The following ITGA6 variants were observed in gnomAD, a reference collection of about 807,000 sequenced individuals.
ITGA6 encodes integrin alpha-6.
In ITGA6, 63 loss-of-function variants were observed where a neutral mutation model predicts 133.6. The ratio of observed to expected loss-of-function variants is 0.47; its 90% confidence interval spans 0.38 to 0.58. ITGA6 has a LOEUF of 0.58. ITGA6 is among the 20% of genes least tolerant of loss of function. The pLI, the probability that ITGA6 is intolerant of heterozygous loss-of-function variation, is 0.00. For synonymous variants in ITGA6, 434 were observed against 482.0 expected (o/e 0.90, Z 1.30); for missense variants, 1,068 against 1,309.4 (o/e 0.82, Z 2.85).
Position 172,506,301 on chromosome 2 carries a change from T to G in ITGA6, c.*2233T>G, listed in dbSNP as rs1436616419. 2 of 152,654 alleles carry G rather than the reference T, an allele frequency of 1.3e-5. No individual in the cohort carries two copies. Among genetic ancestry groups the G allele is most frequent in the African/African-American group, 4.8e-5 (2 of 41,468 alleles). The allele number at this position is 152,654 out of a possible 1,614,324, so 9.5% of individuals were successfully genotyped here. On this transcript the variant is annotated 3_prime_UTR_variant, in exon 26 of 26. Transcript: ENST00000684293. ...AACCAAAGTTCAGTGTTTTTATTTT[T>G]GGTGTCTCATGTAATCTCAGATCAG...
At chr2:172,431,468 C>T (rs1294242109) in intron 1 of ITGA6, among the ~76,000 whole-genome samples, 2 of 152,158 alleles carry the variant, frequency 1.3e-5, no homozygotes, top group Admixed American at 1.3e-4. Context: ...AATATTGGTG[C>T]CTGGACTCTT....
At chr2:172,499,600 A>T (rs2149099722) in intron 24 of ITGA6, among the ~76,000 whole-genome samples, 1 of 152,300 alleles carries the variant, frequency 6.6e-6, no homozygotes, top group East Asian at 1.9e-4. Context: ...GGGCTCAAGC[A>T]ATCCTCCTGC....
chr2:172,498,463 T>C (rs1183628057), intron 24 of ITGA6, among the ~76,000 whole-genome samples: 1 of 152,252 alleles, frequency 6.6e-6, no homozygotes, highest in African/African-American at 2.4e-5. Flanking sequence ...TGAATGTGTA[T>C]CCCTGCTAAT....
Position 172,489,595 on chromosome 2 carries a change from A to C in ITGA6, c.2616A>C (p.Glu872Asp), listed in dbSNP as rs1310962622. 2.5e-6 allele frequency: 4 copies of C among 1,614,042 alleles called. No homozygotes were observed. The highest frequency in any genetic ancestry group is 1.1e-5 in the South Asian group (1 of 91,086). The change falls in exon 20 of 26, where the codon GAA becomes GAC. Residue 872 changes from glutamate (E) to aspartate (D), a missense_variant. By Grantham distance (45) the Glu-to-Asp change is conservative (BLOSUM62 2). Coordinates refer to ENST00000684293, the MANE Select transcript of ITGA6 (RefSeq NM_000210.4). ...GGTTGCTTTATTTGGTGAAAGTAGA[A>C]TCCAAAGGATTGGAAAAGGTAACTT... Reference protein sequence around the residue: ...GKWLLYLVKVESKGLEKVTCE... With the variant: ...GKWLLYLVKVDSKGLEKVTCE...
chr2:172,472,453 T>G lies in ITGA6; in HGVS notation c.775+1348T>G, dbSNP rs184557788. On this transcript the variant is annotated intron_variant, in intron 5 of 25. Transcript: ENST00000684293. ...ATAAATTTACTTGCTGTCAGAACAT[T>G]TGAAAATATGAAGCATTTTTTCTCA... is the stretch of plus-strand genomic sequence containing the variant. Among the ~76,000 whole-genome samples the G allele has an allele frequency of 1.8e-3, 274 of 152,352 alleles. 7 individuals carry two copies. Among genetic ancestry groups the G allele is most frequent in the Admixed American group, 0.017 (253 of 15,310 alleles).
rs577764506 is a variant in ITGA6 at position 172,493,207 on chromosome 2, C to A, written c.2988+1684C>A. 1.1e-4 allele frequency among the ~76,000 whole-genome samples: 16 copies of A among 152,242 alleles called. 1 individual carries two copies. The highest frequency in any genetic ancestry group is 3.9e-4 in the African/African-American group (16 of 41,548). On this transcript the variant is annotated intron_variant, in intron 23 of 25. Transcript: ENST00000684293. ...ATAGGTGTGAGCCACTGCACCCAGC[C>A]CCAGGATACATTTGCCTGAGACAAA...
At chr2:172,430,545 G>C (rs775158018) in intron 1 of ITGA6, among the ~76,000 whole-genome samples, 6 of 152,182 alleles carry the variant, frequency 3.9e-5, no homozygotes, top group Admixed American at 1.3e-4. Context: ...ATAAAAGCAC[G>C]ATCATAGAAG....
At position 172,427,619 on chromosome 2, in the gene ITGA6, G is replaced by C. The variant is rs188609652; in HGVS notation, c.-170G>C. ...CATTCAGCGGTCGCGAGCTGCCCGC[G>C]AGGGGGAGCGGCCGGACGGAGAGCG... On this transcript the variant is annotated 5_prime_UTR_variant, in exon 1 of 26. Coordinates refer to ENST00000684293, the MANE Select transcript of ITGA6 (RefSeq NM_000210.4). 19 of 1,280,808 alleles carry C rather than the reference G, an allele frequency of 1.5e-5. No homozygotes were observed. Among genetic ancestry groups the C allele is most frequent in the Middle Eastern group, 3.0e-4 (1 of 3,354 alleles). 79.3% of individuals were successfully genotyped at this position (1,280,808 alleles called of 1,614,324 possible). A position where few individuals can be genotyped will look rare whatever the true frequency, so the allele number is the denominator to read the frequency against.
In ITGA6 at chr2:172,487,538, C is replaced by G. The variant is rs776060355; in HGVS notation, c.2161-9C>G. ...GTGGATTGTGACCTAGCGTGTGTTT[C>G]TTTTACAGGAGAAACAGTTGAGTTG... On this transcript the variant is annotated splice_polypyrimidine_tract_variant and intron_variant, in intron 15 of 25. Transcript: ENST00000684293. 71 of 1,613,818 alleles carry G rather than the reference C, an allele frequency of 4.4e-5. 2 individuals are homozygous for G. In the South Asian group the frequency reaches 7.6e-4, roughly 17 times the overall value.
intron 19 of ITGA6, 79 bp downstream of exon 19, chr2:172,488,307 T>C: frequency 6.5e-6 from 6 of 923,842 alleles, no homozygotes; most frequent in Non-Finnish European, 1.1e-5. Context: ...GTCATTTTAA[T>C]AAATCAGCAA....
At chr2:172,486,683 C>T (rs1180659056) in intron 13 of ITGA6, among the ~76,000 whole-genome samples, 1 of 152,062 alleles carries the variant, frequency 6.6e-6, no homozygotes, top group East Asian at 1.9e-4. Flanking sequence ...GGTGGTATCT[C>T]CACGTTACCT....
At position 172,479,635 on chromosome 2, in the gene ITGA6, C is replaced by T; in HGVS notation, c.1389-6C>T. Reference sequence around the variant, plus strand: ...TGAGCTTGTTTTTCACTCCTTTTGTCTTCAGATCCCGGCCTGTGATTAATA... The same window carrying T: ...TGAGCTTGTTTTTCACTCCTTTTGTTTTCAGATCCCGGCCTGTGATTAATA... On this transcript the variant is annotated splice_polypyrimidine_tract_variant and splice_region_variant and intron_variant, in intron 9 of 25. Coordinates refer to ENST00000684293, the MANE Select transcript of ITGA6 (RefSeq NM_000210.4). 6.2e-7 allele frequency: 1 copy of T among 1,612,720 alleles called. No homozygotes were observed. Among genetic ancestry groups the T allele is most frequent in the African/African-American group, 1.3e-5 (1 of 74,968 alleles).
At chr2:172,481,039 A>G (rs1370112755) in intron 11 of ITGA6, 1 of 152,212 alleles carries the variant, frequency 6.6e-6, no homozygotes, top group Non-Finnish European at 1.5e-5. Context: ...GAGGAAGTGA[A>G]AAGAATGAGG....
chr2:172,447,959 G>C (rs999472773), intron 1 of ITGA6, among the ~76,000 whole-genome samples: 5 of 152,042 alleles, frequency 3.3e-5, no homozygotes, highest in Admixed American at 2.6e-4. Context: ...TGCTCTTAAT[G>C]AGACACACCC....
chr2:172,442,157 AAGG>A (rs545056526), intron 1 of ITGA6, among the ~76,000 whole-genome samples: 1 of 152,278 alleles, frequency 6.6e-6, no homozygotes, highest in Non-Finnish European at 1.5e-5. Flanking sequence ...GTTTCTGAAT[AAGG>A]AGTCCTGGTT....
In ITGA6 at chr2:172,436,129, TGAA is replaced by T. The variant is rs547251227; in HGVS notation, c.182+8165_182+8167del. ...GTGGCTTAAAGACCTGGGTGATGAA[TGAA>T]GAAGACCTCCATGACTTTACAAGTG... On this transcript the variant is annotated intron_variant, in intron 1 of 25. Transcript: ENST00000684293. Among the ~76,000 whole-genome samples, 434 of 152,236 alleles carry T rather than the reference TGAA, an allele frequency of 2.9e-3. 1 individual carries two copies. Among genetic ancestry groups the T allele is most frequent in the Non-Finnish European group, 4.3e-3 (293 of 68,024 alleles).
chr2:172,480,058 A>G lies in ITGA6; in HGVS notation c.1549+7A>G. 2.7e-6 allele frequency: 4 copies of G among 1,467,822 alleles called. No homozygotes were observed. Among genetic ancestry groups the G allele is most frequent in the Non-Finnish European group, 3.8e-6 (4 of 1,046,924 alleles). 90.9% of individuals were successfully genotyped at this position (1,467,822 alleles called of 1,614,324 possible). ...GGTTATAATCCTTCAATATGTAAGT[A>G]CCTAGTACCTTTAAAATATGTCTAC... On this transcript the variant is annotated splice_region_variant and intron_variant, in intron 11 of 25. Transcript: ENST00000684293.
At chr2:172,443,488 C>T (rs1165302048) in intron 1 of ITGA6, among the ~76,000 whole-genome samples, 2 of 152,174 alleles carry the variant, frequency 1.3e-5, no homozygotes, top group East Asian at 3.9e-4. Flanking sequence ...ATGGTCACGG[C>T]TGATTCTGGA....
At chr2:172,430,687 A>G (rs1184258208) in intron 1 of ITGA6, among the ~76,000 whole-genome samples, 1 of 152,216 alleles carries the variant, frequency 6.6e-6, no homozygotes, top group Non-Finnish European at 1.5e-5. Flanking sequence ...GGGTGTTCCT[A>G]AAGCTTTGGA....
Sources: gnomAD v4.1 joint callset for allele counts (sites outside exome capture counted in the v4.1 genomes callset) on GRCh38, gnomAD v4.1.1 for gene constraint, MANE v1.5 for transcripts, NCBI Gene and HGNC (gene_info 2026-07-23, HGNC 2026-07-21) for gene names.